The following SGCD variants were observed in gnomAD, a reference collection of about 807,000 sequenced individuals.
The protein encoded by SGCD is delta-sarcoglycan.
SGCD carries 18 observed loss-of-function variants against 36.6 expected under a neutral mutation model. The observed-to-expected ratio is 0.49, with a 90% confidence interval of 0.34 to 0.73. SGCD has a LOEUF of 0.73. SGCD is among the 30% of genes least tolerant of loss of function. SGCD has a pLI of 0.01. For missense variants in SGCD, 387 were observed against 346.7 expected (o/e 1.12, Z -0.92); for synonymous variants, 133 against 130.6 (o/e 1.02, Z -0.12).
At chr5:155,906,109 G>A (rs1282361505) in intron 1 of SGCD, among the ~76,000 whole-genome samples, 2 of 152,054 alleles carry the variant, frequency 1.3e-5, no homozygotes, top group African/African-American at 4.8e-5. Context: ...TATTATATCT[G>A]ATATAATGAT....
At chr5:155,855,856 CAG>C in the SGCD span, among the ~76,000 whole-genome samples, 3 of 151,938 alleles carry the variant, frequency 2.0e-5, no homozygotes, top group African/African-American at 7.3e-5. Flanking sequence ...GAGAGCTGCA[CAG>C]AGAGAGGATA....
intron 1 of SGCD, among the ~76,000 whole-genome samples, chr5:156,005,929 C>G (rs1032037032): frequency 5.3e-5 from 8 of 152,124 alleles, no homozygotes; most frequent in African/African-American, 1.9e-4. Context: ...GACTTTAGTG[C>G]CAGATGGGTG....
chr5:155,808,188 A>G, the SGCD span, among the ~76,000 whole-genome samples: 145 of 152,322 alleles, frequency 9.5e-4, 3 homozygotes, highest in East Asian at 0.027. Context: ...GAGTGAGAAC[A>G]AACAGTTGGC....
chr5:155,833,441 A>T, the SGCD span, among the ~76,000 whole-genome samples: 1 of 152,290 alleles, frequency 6.6e-6, no homozygotes, highest in Non-Finnish European at 1.5e-5. Context: ...TCTGGTAGTG[A>T]TGGGCCTTCA....
intron 7 of SGCD, among the ~76,000 whole-genome samples, chr5:156,658,030 C>T (rs1193788804): frequency 4.9e-4 from 54 of 109,572 alleles, no homozygotes; most frequent in Non-Finnish European, 5.6e-4. Flanking sequence ...GATATGCATA[C>T]ACATAAACAT....
intron 3 of SGCD, among the ~76,000 whole-genome samples, chr5:156,238,343 G>T (rs532724497): frequency 1.4e-4 from 21 of 152,254 alleles, no homozygotes; most frequent in African/African-American, 4.8e-4. Flanking sequence ...AGAGTAGGTG[G>T]TATAGAGCGG....
intron 3 of SGCD, among the ~76,000 whole-genome samples, chr5:156,275,030 G>A (rs1766280985): frequency 6.6e-6 from 1 of 152,152 alleles, no homozygotes; most frequent in Admixed American, 6.6e-5. Flanking sequence ...AATTCTTTAG[G>A]TGGGAGAAAT....
chr5:155,909,564 G>A (rs1255003254), intron 1 of SGCD, among the ~76,000 whole-genome samples: 1 of 152,122 alleles, frequency 6.6e-6, no homozygotes, highest in African/African-American at 2.4e-5. Context: ...TGAAAAATAA[G>A]ATTACAAGAA....
chr5:156,665,435 C>A (rs1581362041), intron 7 of SGCD, among the ~76,000 whole-genome samples: 1 of 152,372 alleles, frequency 6.6e-6, no homozygotes. Flanking sequence ...TCATTACAAT[C>A]TATTAAACAG....
chr5:155,935,088 C>G (rs1024695450), intron 1 of SGCD, among the ~76,000 whole-genome samples: 2 of 152,126 alleles, frequency 1.3e-5, no homozygotes, highest in African/African-American at 4.8e-5. Context: ...GACCCTAAGT[C>G]CCTAGTGATT....
chr5:156,039,693 C>G (rs1262461126), intron 1 of SGCD, among the ~76,000 whole-genome samples: 2 of 152,154 alleles, frequency 1.3e-5, no homozygotes, highest in African/African-American at 4.8e-5. Flanking sequence ...TTTCTCATTT[C>G]AGCTTTTATA....
At chr5:155,733,346 AC>A in the SGCD span, among the ~76,000 whole-genome samples, 1 of 152,188 alleles carries the variant, frequency 6.6e-6, no homozygotes, top group Non-Finnish European at 1.5e-5. Flanking sequence ...TTTCTCAGTG[AC>A]CTCAACATCT....
intron 3 of SGCD, among the ~76,000 whole-genome samples, chr5:156,201,974 C>T (rs1373437117): frequency 1.3e-5 from 2 of 152,132 alleles, no homozygotes; most frequent in African/African-American, 4.8e-5. Flanking sequence ...GTCCTGACTT[C>T]CAAAACAGCT....
At chr5:156,588,815 A>G (rs1349678189) in intron 4 of SGCD, among the ~76,000 whole-genome samples, 1 of 152,224 alleles carries the variant, frequency 6.6e-6, no homozygotes, top group Non-Finnish European at 1.5e-5. Context: ...CTGCTCTTCT[A>G]TAAGGACTCT....
intron 3 of SGCD, among the ~76,000 whole-genome samples, chr5:156,384,067 T>C (rs1248766637): frequency 1.3e-5 from 2 of 152,142 alleles, no homozygotes. Context: ...GTTGCCGAGG[T>C]TGAGTTATTT....
chr5:156,675,039 C>T (rs986958439), intron 7 of SGCD, among the ~76,000 whole-genome samples: 1 of 152,048 alleles, frequency 6.6e-6, no homozygotes, highest in Admixed American at 6.6e-5. Context: ...TGTTGGTGGG[C>T]GACTCAGAAT....
rs376743123 is a variant in SGCD at position 155,971,438 on chromosome 5, G to C, written c.-282+101014G>C. 1.3e-4 allele frequency among the ~76,000 whole-genome samples: 20 copies of C among 152,216 alleles called. No individual in the cohort carries two copies. In the East Asian group the frequency reaches 3.3e-3, roughly 25 times the overall value. ...GTACCACCTAGGAGGTTACAATACA[G>C]TTTTTATTCCCATATAGCTGATACT... On this transcript the variant is annotated intron_variant, in intron 1 of 9. Coordinates refer to the SGCD transcript ENST00000517913.
intron 3 of SGCD, among the ~76,000 whole-genome samples, chr5:156,432,861 C>T (rs1325646082): frequency 1.3e-5 from 2 of 152,166 alleles, no homozygotes; most frequent in African/African-American, 4.8e-5. Flanking sequence ...GCACACAGAA[C>T]TTAGACCTGC....
chr5:156,340,418 TG>T (rs1768590702), intron 2 of SGCD, among the ~76,000 whole-genome samples: 1 of 152,214 alleles, frequency 6.6e-6, no homozygotes, highest in Admixed American at 6.5e-5. Flanking sequence ...GAGCTATGGG[TG>T]GAAGGAGTAT....
Sources: allele counts gnomAD v4.1 joint callset (sites outside exome capture counted in the v4.1 genomes callset), GRCh38; gene constraint gnomAD v4.1.1; transcripts MANE v1.5; gene names NCBI Gene and HGNC (gene_info 2026-07-23, HGNC 2026-07-21).